The following KIAA0825 variants were observed in gnomAD, a reference collection of about 807,000 sequenced individuals.
The protein encoded by KIAA0825 is uncharacterized protein KIAA0825.
Under a neutral mutation model 147.6 loss-of-function variants are expected in KIAA0825, and 119 were observed. The ratio of observed to expected loss-of-function variants is 0.81; its 90% confidence interval spans 0.69 to 0.94. KIAA0825 has a LOEUF of 0.94. Ranked by LOEUF, KIAA0825 falls within the 40% of genes least tolerant of loss-of-function variation. KIAA0825 has a pLI of 0.00. For missense variants in KIAA0825, 1,381 were observed against 1,472.7 expected (o/e 0.94, Z 1.02); for synonymous variants, 470 against 518.1 (o/e 0.91, Z 1.26).
chr5:94,597,800 CA>C (rs1344412815), intron 1 of KIAA0825, among the ~76,000 whole-genome samples: 2 of 152,098 alleles, frequency 1.3e-5, no homozygotes, highest in East Asian at 3.8e-4. Flanking sequence ...CAAACTGTTA[CA>C]GCATATGACT....
intron 10 of KIAA0825, among the ~76,000 whole-genome samples, chr5:94,469,174 T>C (rs928931462): frequency 2.1e-5 from 3 of 143,878 alleles, no homozygotes; most frequent in Admixed American, 6.9e-5. Flanking sequence ...ATGACTGTTC[T>C]TTTTTTTTTT....
At chr5:94,258,340 G>A (rs1190108417) in intron 20 of KIAA0825, among the ~76,000 whole-genome samples, 1 of 151,832 alleles carries the variant, frequency 6.6e-6, no homozygotes, top group Non-Finnish European at 1.5e-5. Flanking sequence ...CTATTAACTT[G>A]GACTTCTTTT....
At chr5:94,282,651 C>T (rs192453922) in intron 20 of KIAA0825, among the ~76,000 whole-genome samples, 1 of 151,966 alleles carries the variant, frequency 6.6e-6, no homozygotes, top group African/African-American at 2.4e-5. Flanking sequence ...CAAATAATGT[C>T]AGCTATTAAT....
chr5:94,250,760 G>C (rs1351071544), intron 20 of KIAA0825, among the ~76,000 whole-genome samples: 1 of 152,198 alleles, frequency 6.6e-6, no homozygotes, highest in East Asian at 1.9e-4. Flanking sequence ...ATAATTTATA[G>C]CTACAATTAG....
chr5:94,193,749 G>T (rs1359357050), intron 20 of KIAA0825, among the ~76,000 whole-genome samples: 1 of 152,140 alleles, frequency 6.6e-6, no homozygotes, highest in African/African-American at 2.4e-5. Context: ...CCTTGCAAAG[G>T]TTATGAAGCT....
At chr5:94,376,590 T>C (rs1747610407) in intron 20 of KIAA0825, among the ~76,000 whole-genome samples, 1 of 152,180 alleles carries the variant, frequency 6.6e-6, no homozygotes. Context: ...TTTAAATACA[T>C]GTTAGATAAT....
intron 7 of KIAA0825, among the ~76,000 whole-genome samples, chr5:94,476,254 T>C (rs1318271671): frequency 2.0e-5 from 3 of 152,176 alleles, no homozygotes; most frequent in Non-Finnish European, 4.4e-5. Context: ...AGAATTTTAA[T>C]GTAGGGTTTT....
rs1305708087 is a variant in KIAA0825 at position 94,519,255 on chromosome 5, T to C, written c.970+993A>G. ...TTTTATTAATGAAGATACGCACAAGTATAGTGAGCTATAGGAATTTTAAAA... is the reference window on the plus strand; with the variant it reads ...TTTTATTAATGAAGATACGCACAAGCATAGTGAGCTATAGGAATTTTAAAA... On this transcript the variant is annotated intron_variant, in intron 5 of 20. Transcript: ENST00000682413. The C allele has an allele frequency of 4.5e-6, 4 of 886,724 alleles. No individual in the cohort carries two copies. In the East Asian group the frequency reaches 4.8e-4, roughly 106 times the overall value. The allele number at this position is 886,724 out of a possible 1,614,324, so 54.9% of individuals were successfully genotyped here.
chr5:94,479,285 A>C (rs1028113666), intron 6 of KIAA0825, among the ~76,000 whole-genome samples: 4 of 151,956 alleles, frequency 2.6e-5, no homozygotes, highest in Non-Finnish European at 5.9e-5. Flanking sequence ...GGTACCCACT[A>C]ATCTATTTGC....
At chr5:94,605,715 T>A (rs897149283) in intron 1 of KIAA0825, among the ~76,000 whole-genome samples, 23 of 152,058 alleles carry the variant, frequency 1.5e-4, no homozygotes, top group Admixed American at 8.5e-4. Flanking sequence ...ACATTCAACA[T>A]CCCTTCATGT....
intron 20 of KIAA0825, among the ~76,000 whole-genome samples, chr5:94,339,900 T>A (rs1165156452): frequency 6.6e-6 from 1 of 152,200 alleles, no homozygotes; most frequent in African/African-American, 2.4e-5. Flanking sequence ...ATCTAAAATA[T>A]ATCCCCATTT....
chr5:94,161,031 G>A (rs1218463759), intron 20 of KIAA0825, among the ~76,000 whole-genome samples: 3 of 152,038 alleles, frequency 2.0e-5, no homozygotes, highest in East Asian at 3.9e-4. Context: ...TTTATGCCAC[G>A]ACTCCCAATC....
intron 20 of KIAA0825, among the ~76,000 whole-genome samples, chr5:94,336,819 T>C (rs1013767381): frequency 9.2e-5 from 14 of 152,150 alleles, no homozygotes; most frequent in African/African-American, 2.9e-4. Flanking sequence ...TAGTTCTAGA[T>C]TTTTGAGGAA....
intron 10 of KIAA0825, among the ~76,000 whole-genome samples, 185 bp downstream of exon 10, chr5:94,469,776 C>A (rs1760992389): frequency 6.6e-6 from 1 of 152,104 alleles, no homozygotes; most frequent in African/African-American, 2.4e-5. Context: ...GTTCTGATGT[C>A]TAATTTATTT....
intron 2 of KIAA0825, among the ~76,000 whole-genome samples, chr5:94,573,733 C>T (rs1035949543): frequency 3.3e-5 from 5 of 152,172 alleles, no homozygotes; most frequent in Admixed American, 2.6e-4. Flanking sequence ...TTTACAGATG[C>T]AGATATTCCC....
chr5:94,572,875 A>T (rs1363782558), intron 2 of KIAA0825, among the ~76,000 whole-genome samples: 1 of 152,224 alleles, frequency 6.6e-6, no homozygotes, highest in Non-Finnish European at 1.5e-5. Context: ...AAAATGAATA[A>T]GAACAATATA....
chr5:94,370,712 C>T (rs1038551157), intron 20 of KIAA0825, among the ~76,000 whole-genome samples: 5 of 152,026 alleles, frequency 3.3e-5, no homozygotes, highest in Non-Finnish European at 7.4e-5. Flanking sequence ...CGAGATCATC[C>T]TGGCTAACAC....
At chr5:94,321,086 T>G (rs1213794634) in intron 20 of KIAA0825, among the ~76,000 whole-genome samples, 1 of 152,060 alleles carries the variant, frequency 6.6e-6, no homozygotes, top group African/African-American at 2.4e-5. Context: ...TTTGACAGTT[T>G]GTGTCACAGT....
At chr5:94,595,468 A>G (rs1785121662) in intron 1 of KIAA0825, among the ~76,000 whole-genome samples, 1 of 152,224 alleles carries the variant, frequency 6.6e-6, no homozygotes, top group East Asian at 1.9e-4. Flanking sequence ...ACACAGCAGC[A>G]AAGCCATGGG....
Sources: gnomAD v4.1 joint callset for allele counts (sites outside exome capture counted in the v4.1 genomes callset) on GRCh38, gnomAD v4.1.1 for gene constraint, MANE v1.5 for transcripts, NCBI Gene and HGNC (gene_info 2026-07-23, HGNC 2026-07-21) for gene names.